Variants in CADM1 observed in about 807,000 individuals in gnomAD.
CADM1 encodes the protein cell adhesion molecule 1, also known as TSLC-1.
In CADM1, 15 loss-of-function variants were observed where a neutral mutation model predicts 53.1. The observed-to-expected ratio is 0.28, with a 90% CI of 0.19 to 0.44. CADM1 has a LOEUF of 0.44. CADM1 is among the 20% of genes least tolerant of loss of function. The pLI is 1.00. For synonymous variants in CADM1, 281 were observed against 243.0 expected (o/e 1.16, Z -1.45); for missense variants, 434 against 611.3 (o/e 0.71, Z 3.06).
intron 1 of CADM1, among the ~76,000 whole-genome samples, chr11:115,295,520 ATATATAT>A (rs1183775427): frequency 1.4e-5 from 1 of 71,076 alleles, no homozygotes; most frequent in African/African-American, 1.1e-4. Flanking sequence ...ATATATATAT[ATATATAT>A]ATATATATAT....
In CADM1 at chr11:115,214,772, A is replaced by C; in HGVS notation, c.830T>G (p.Met277Arg). 1 of 1,613,910 alleles carries C rather than the reference A, an allele frequency of 6.2e-7. No individual in the cohort carries two copies. Among genetic ancestry groups the C allele is most frequent in the Middle Eastern group, 1.7e-4 (1 of 6,048 alleles). The change falls in exon 7 of 12, where the codon ATG becomes AGG. Residue 277 changes from methionine to arginine, a missense_variant. By Grantham distance (91) the Met-to-Arg change is moderately conservative. Coordinates refer to ENST00000331581, the MANE Select transcript of CADM1 (RefSeq NM_001301043.2). The stretch of plus-strand genomic sequence containing the variant: ...ATCATCGACTCTCACCCAAGTTACC[A>C]TCACAGGCCTGCAGGGGGAAGGGGA... ...CEAIGKPQPV[M>R]VTWVRVDDEM...
At position 115,451,399 on chromosome 11, in the gene CADM1, G is replaced by C. The variant is rs370929065; in HGVS notation, c.124+52872C>G. Among the ~76,000 whole-genome samples the C allele has an allele frequency of 6.6e-5, 10 of 152,154 alleles. No homozygotes were observed. The East Asian group carries it at 9.6e-4, about 15-fold the overall frequency. On this transcript the variant is annotated intron_variant, in intron 1 of 11. Transcript: ENST00000331581. The stretch of plus-strand genomic sequence containing the variant: ...AGGGTTTTACCACGTGTAGCCATTT[G>C]AAGATACCCGTTAAAGCCACAAGGC...
intron 1 of CADM1, among the ~76,000 whole-genome samples, chr11:115,484,194 A>T (rs1949318874): frequency 6.6e-6 from 1 of 152,010 alleles, no homozygotes; most frequent in African/African-American, 2.4e-5. Context: ...TTCATTCATG[A>T]CCCCCTACTA....
At chr11:115,216,951 G>A (rs1477726675) in intron 6 of CADM1, among the ~76,000 whole-genome samples, 4 of 152,200 alleles carry the variant, frequency 2.6e-5, no homozygotes, top group Admixed American at 2.6e-4. Flanking sequence ...AACTCTTTGA[G>A]GGAAAAAACA....
chr11:115,455,594 A>C (rs1948666770), intron 1 of CADM1, among the ~76,000 whole-genome samples: 2 of 152,298 alleles, frequency 1.3e-5, no homozygotes, highest in South Asian at 4.1e-4. Context: ...TATGCCAGGA[A>C]AGTCACACAT....
intron 1 of CADM1, among the ~76,000 whole-genome samples, chr11:115,337,578 T>C (rs1945300236): frequency 6.6e-6 from 1 of 152,134 alleles, no homozygotes; most frequent in Non-Finnish European, 1.5e-5. Context: ...CTCCCTTGGC[T>C]CTTTACTAAT....
chr11:115,433,308 T>C (rs1948103477), intron 1 of CADM1, among the ~76,000 whole-genome samples: 1 of 152,214 alleles, frequency 6.6e-6, no homozygotes. Flanking sequence ...ACTGAAATGC[T>C]TTTCTCAGTA....
intron 1 of CADM1, among the ~76,000 whole-genome samples, chr11:115,347,707 T>A (rs940865611): frequency 3.4e-4 from 52 of 152,340 alleles, no homozygotes; most frequent in African/African-American, 1.2e-3. Context: ...TATAAAAACA[T>A]GTACATTAAC....
At chr11:115,499,048 T>C (rs938697366) in intron 1 of CADM1, among the ~76,000 whole-genome samples, 1 of 151,780 alleles carries the variant, frequency 6.6e-6, no homozygotes, top group African/African-American at 2.4e-5. Flanking sequence ...AAAAGAAAAA[T>C]CTGATCAATG....
chr11:115,221,633 T>C (rs529972680), intron 5 of CADM1, among the ~76,000 whole-genome samples: 1 of 152,332 alleles, frequency 6.6e-6, no homozygotes, highest in African/African-American at 2.4e-5. Context: ...TTTCAGAAGA[T>C]GAAACTCAAG....
chr11:115,394,050 C>T lies in CADM1; in HGVS notation c.124+110221G>A, dbSNP rs147262152. On this transcript the variant is annotated intron_variant, in intron 1 of 11. Coordinates refer to ENST00000331581, the MANE Select transcript of CADM1 (RefSeq NM_001301043.2). ...TGTACAGGTAGAGTAATCATTTTGA[C>T]TATCTAAAACAAATTCAAACATTTA... 2.0e-3 allele frequency among the ~76,000 whole-genome samples: 306 copies of T among 152,244 alleles called. 1 individual carries two copies. The highest frequency in any genetic ancestry group is 7.0e-3 in the African/African-American group (292 of 41,552).
intron 1 of CADM1, among the ~76,000 whole-genome samples, chr11:115,423,639 T>C (rs577014474): frequency 6.6e-6 from 1 of 152,344 alleles, no homozygotes; most frequent in East Asian, 1.9e-4. Context: ...AGTCTGATGG[T>C]AACCTCACTT....
Position 115,316,946 on chromosome 11 carries a change from G to A in CADM1, c.125-76526C>T, listed in dbSNP as rs116283299. 9.7e-3 allele frequency among the ~76,000 whole-genome samples: 1,472 copies of A among 152,274 alleles called. 21 individuals are homozygous for A. The highest frequency in any genetic ancestry group is 0.034 in the African/African-American group (1,406 of 41,550). On this transcript the variant is annotated intron_variant, in intron 1 of 11. Coordinates refer to ENST00000331581, the MANE Select transcript of CADM1 (RefSeq NM_001301043.2). ...AACTCAATGTAAAACCACAGTGTGT[G>A]CATGTTATGAAATTACTCCACAAAA... is the stretch of plus-strand genomic sequence containing the variant.
At chr11:115,343,719 TAAA>T (rs11406684) in intron 1 of CADM1, among the ~76,000 whole-genome samples, 4 of 137,846 alleles carry the variant, frequency 2.9e-5, no homozygotes, top group Admixed American at 1.5e-4. Context: ...ATACAGATTG[TAAA>T]AAAAAAAAAA....
chr11:115,178,484 T>G (rs947823245), intron 11 of CADM1, among the ~76,000 whole-genome samples, 160 bp downstream of exon 11: 3 of 136,498 alleles, frequency 2.2e-5, no homozygotes, highest in African/African-American at 5.6e-5. Context: ...TCTGGTTTTG[T>G]TTTTTTTTTT....
intron 8 of CADM1, among the ~76,000 whole-genome samples, chr11:115,199,499 T>C (rs896987887): frequency 6.6e-6 from 1 of 152,258 alleles, no homozygotes; most frequent in Non-Finnish European, 1.5e-5. Flanking sequence ...TACTTGCTCC[T>C]GTTCACAAGA....
chr11:115,445,089 A>G (rs879831822), intron 1 of CADM1, among the ~76,000 whole-genome samples: 8 of 152,186 alleles, frequency 5.3e-5, no homozygotes, highest in Non-Finnish European at 1.2e-4. Flanking sequence ...GAAGGGGGAA[A>G]GCAATTCTCA....
At chr11:115,502,820 G>A (rs1295396778) in intron 1 of CADM1, among the ~76,000 whole-genome samples, 3 of 152,192 alleles carry the variant, frequency 2.0e-5, no homozygotes, top group Non-Finnish European at 4.4e-5. Flanking sequence ...ACATAACTGT[G>A]TGTCCTCTAG....
intron 1 of CADM1, among the ~76,000 whole-genome samples, chr11:115,246,157 A>G (rs1942401286): frequency 6.6e-6 from 1 of 152,188 alleles, no homozygotes; most frequent in African/African-American, 2.4e-5. Context: ...GCAATTCTTT[A>G]TTTCTGAGAC....
Sources: allele counts gnomAD v4.1 joint callset (sites outside exome capture counted in the v4.1 genomes callset), GRCh38; gene constraint gnomAD v4.1.1; transcripts MANE v1.5; gene names NCBI Gene and HGNC (gene_info 2026-07-23, HGNC 2026-07-21).